ARHGAP20: variants seen among roughly 807,000 people sequenced by gnomAD.
ARHGAP20 encodes the protein Rho GTPase activating protein 20.
A neutral mutation model predicts 73.7 loss-of-function variants in ARHGAP20; 34 were observed. That is an observed-to-expected ratio of 0.46 (90% confidence interval 0.35 to 0.61). ARHGAP20 has a LOEUF of 0.61. Among genes scored for constraint, ARHGAP20 ranks in the 20% least tolerant of loss-of-function variants. The probability of loss-of-function intolerance (pLI) is 0.00; values close to 1 mark genes in which losing one functional copy is unlikely to be tolerated. For missense variants in ARHGAP20, 1,314 were observed against 1,420.9 expected, an observed-to-expected ratio of 0.92 and a Z score of 1.21; for synonymous variants, 523 against 518.2, an observed-to-expected ratio of 1.01 and a Z score of -0.13.
intron 9 of ARHGAP20, among the ~76,000 whole-genome samples, chr11:110,605,902 C>G (rs1452464270): frequency 2.6e-5 from 4 of 151,782 alleles, no homozygotes; most frequent in African/African-American, 9.7e-5. Flanking sequence ...TACTATCTCA[C>G]TCATACTTTT....
chr11:110,676,097 C>A (rs1565472163), intron 2 of ARHGAP20, among the ~76,000 whole-genome samples: 2 of 152,298 alleles, frequency 1.3e-5, no homozygotes, highest in South Asian at 4.2e-4. Flanking sequence ...CAACTCTCTA[C>A]TTCATGTTAG....
intron 4 of ARHGAP20, among the ~76,000 whole-genome samples, chr11:110,620,430 C>T (rs1244772782): frequency 6.6e-6 from 1 of 152,168 alleles, no homozygotes; most frequent in African/African-American, 2.4e-5. Context: ...GGATTACAGG[C>T]ACCAGTCACT....
intron 9 of ARHGAP20, among the ~76,000 whole-genome samples, chr11:110,593,082 G>A (rs1025119399): frequency 3.9e-5 from 6 of 151,962 alleles, no homozygotes; most frequent in African/African-American, 1.4e-4. Flanking sequence ...CATTTGACTT[G>A]GATTTTGAAT....
intron 2 of ARHGAP20, among the ~76,000 whole-genome samples, chr11:110,655,258 G>A (rs907031664): frequency 6.6e-6 from 1 of 152,050 alleles, no homozygotes; most frequent in Non-Finnish European, 1.5e-5. Flanking sequence ...AAATAATCAG[G>A]GAACAGAAAA....
Position 110,690,554 on chromosome 11 carries a change from T to C in ARHGAP20, c.181A>G (p.Thr61Ala). The C allele has an allele frequency of 1.9e-6, 3 of 1,613,864 alleles. No individual in the cohort carries two copies. The highest frequency in any genetic ancestry group is 2.5e-6 in the Non-Finnish European group (3 of 1,179,770). Reference sequence around the variant, plus strand: ...ACAAAGCTTTGCACTTACCTGGTAGTAGGCCGTTTTTGTAGGGCTTTATCC... The same window carrying C: ...ACAAAGCTTTGCACTTACCTGGTAGCAGGCCGTTTTTGTAGGGCTTTATCC... ...ILDKALQKRP[T>A]TRDSPSASVD... The change falls in exon 2 of 15, where the codon ACT becomes GCT. Residue 61 changes from threonine to alanine, a missense_variant. This residue lies in a region of ARHGAP20 where 443 missense variants were observed against 466.4 expected (regional missense o/e 0.95). Transcript: ENST00000683387.
intron 10 of ARHGAP20, among the ~76,000 whole-genome samples, chr11:110,591,274 T>C (rs150149783): frequency 7.9e-5 from 12 of 152,292 alleles, no homozygotes; most frequent in African/African-American, 2.4e-4. Context: ...CTGTGTAACA[T>C]TGAGTGCAGT....
chr11:110,614,500 C>A lies in ARHGAP20; in HGVS notation c.630+61G>T, dbSNP rs541763620. ...GCCTGCCTGCTCTCTCTCTTCTTAT[C>A]CGTAGTGTTCTGTCTTATGCAGGGA... On this transcript the variant is annotated intron_variant, in intron 6 of 14. Coordinates refer to ENST00000683387, the MANE Select transcript of ARHGAP20 (RefSeq NM_001384657.1). 12 of 1,450,054 alleles carry A rather than the reference C, an allele frequency of 8.3e-6. No homozygotes were observed. In the East Asian group the frequency reaches 2.3e-4, roughly 28 times the overall value. The allele number at this position is 1,450,054 out of a possible 1,614,324, so 89.8% of individuals were successfully genotyped here. A position where few individuals can be genotyped will look rare whatever the true frequency, so the allele number is the denominator to read the frequency against.
At chr11:110,615,751 G>C (rs1416521032) in intron 4 of ARHGAP20, among the ~76,000 whole-genome samples, 157 bp from the exon 5 acceptor site, 1 of 152,192 alleles carries the variant, frequency 6.6e-6, no homozygotes, top group East Asian at 1.9e-4. Context: ...GTGTTCTGGA[G>C]AACTCTGCAG....
intron 2 of ARHGAP20, among the ~76,000 whole-genome samples, chr11:110,635,362 G>C (rs996709686): frequency 6.6e-6 from 1 of 152,094 alleles, no homozygotes; most frequent in Non-Finnish European, 1.5e-5. Flanking sequence ...GCATCCTGCA[G>C]TTTAACAAGC....
intron 1 of ARHGAP20, among the ~76,000 whole-genome samples, chr11:110,707,990 A>G (rs962579790): frequency 6.6e-6 from 1 of 152,074 alleles, no homozygotes; most frequent in Non-Finnish European, 1.5e-5. Context: ...AAAATGACAA[A>G]TTGTATTTCA....
chr11:110,630,619 T>C lies in ARHGAP20; in HGVS notation c.353+9A>G. On this transcript the variant is annotated intron_variant, in intron 3 of 14. Coordinates refer to ENST00000683387, the MANE Select transcript of ARHGAP20 (RefSeq NM_001384657.1). ...TATAATGATAATCAGGAGTATATAGTATACATACTTGATTTTGGCCACAAC... is the reference window on the plus strand; with the variant it reads ...TATAATGATAATCAGGAGTATATAGCATACATACTTGATTTTGGCCACAAC... 6.2e-7 allele frequency: 1 copy of C among 1,612,476 alleles called. No individual in the cohort carries two copies. The highest frequency in any genetic ancestry group is 1.7e-4 in the Middle Eastern group (1 of 6,052).
chr11:110,580,581 G>C lies in ARHGAP20; in HGVS notation c.2365C>G (p.His789Asp), dbSNP rs138788132. The change falls in exon 15 of 15, where the codon CAC (histidine) becomes GAC (aspartate). Residue 789 changes from histidine to aspartate, a missense_variant. This residue lies in a region of ARHGAP20 where 641 missense variants were observed against 636.9 expected (regional missense o/e 1.01). Transcript: ENST00000683387. ...TTAGACTTAGGGAAAAGTTTCACGT[G>C]ATTTCCTTCACTACCAGACAAGCTT... ...KKSLSGSEGN[H>D]VKLFPKSKPV... 4.3e-6 allele frequency: 7 copies of C among 1,614,236 alleles called. No individual in the cohort carries two copies. In the South Asian group the frequency reaches 7.7e-5, roughly 18 times the overall value.
intron 2 of ARHGAP20, among the ~76,000 whole-genome samples, chr11:110,665,507 A>C (rs1337671162): frequency 6.6e-6 from 1 of 152,208 alleles, no homozygotes; most frequent in African/African-American, 2.4e-5. Context: ...AAATGAGGTG[A>C]GGTCTAAGAT....
At chr11:110,676,375 T>G (rs561533673) in intron 2 of ARHGAP20, among the ~76,000 whole-genome samples, 2 of 152,314 alleles carry the variant, frequency 1.3e-5, no homozygotes, top group South Asian at 4.1e-4. Context: ...TCCTCAGGGC[T>G]AGGGAGGCCT....
At chr11:110,627,255 A>C (rs571881679) in intron 3 of ARHGAP20, among the ~76,000 whole-genome samples, 2 of 151,830 alleles carry the variant, frequency 1.3e-5, no homozygotes, top group South Asian at 4.2e-4. Flanking sequence ...CGCCCGGCTA[A>C]TTTTTTTGTA....
At chr11:110,618,146 A>G (rs1460239227) in intron 4 of ARHGAP20, among the ~76,000 whole-genome samples, 1 of 149,210 alleles carries the variant, frequency 6.7e-6, no homozygotes, top group Admixed American at 6.6e-5. Flanking sequence ...ATATACAGGG[A>G]CAACTCTGGG....
chr11:110,690,115 TA>T (rs903495644), intron 2 of ARHGAP20, among the ~76,000 whole-genome samples: 1 of 152,172 alleles, frequency 6.6e-6, no homozygotes, highest in Non-Finnish European at 1.5e-5. Context: ...TATTCCATTT[TA>T]AAAAATAATC....
intron 2 of ARHGAP20, among the ~76,000 whole-genome samples, chr11:110,685,087 C>G (rs528387450): frequency 6.6e-6 from 1 of 151,766 alleles, no homozygotes; most frequent in African/African-American, 2.4e-5. Context: ...CTTTTATCAC[C>G]GAAAAATTAT....
At chr11:110,603,411 C>T (rs948873257) in intron 9 of ARHGAP20, among the ~76,000 whole-genome samples, 6 of 152,026 alleles carry the variant, frequency 3.9e-5, no homozygotes, top group South Asian at 2.1e-4. Flanking sequence ...CCTAAAATTA[C>T]GAGGCAAAAC....
Sources: gnomAD v4.1 joint callset for allele counts (sites outside exome capture counted in the v4.1 genomes callset) on GRCh38, gnomAD v4.1.1 for gene constraint, gnomAD v4.1.1 regional missense constraint, MANE v1.5 for transcripts, NCBI Gene and HGNC (gene_info 2026-07-23, HGNC 2026-07-21) for gene names.